Variants in IRAK3 observed in about 807,000 individuals in gnomAD.
IRAK3 encodes interleukin 1 receptor associated kinase 3, also known as interleukin-1 receptor-associated kinase 3.
A neutral mutation model predicts 56.6 loss-of-function variants in IRAK3; 57 were observed. That is an observed-to-expected ratio of 1.01 (90% CI 0.81 to 1.26). The LOEUF (loss-of-function observed/expected upper bound fraction) is 1.26. Among genes scored for constraint, IRAK3 ranks in the 50% most tolerant of loss-of-function variants. The pLI is 0.00. For missense variants in IRAK3, 703 were observed against 719.0 expected (o/e 0.98, Z 0.25); for synonymous variants, 258 against 255.7 (o/e 1.01, Z -0.09).
intron 2 of IRAK3, among the ~76,000 whole-genome samples, chr12:66,208,760 C>CA (rs1190652234): frequency 6.1e-4 from 78 of 128,808 alleles, no homozygotes; most frequent in Middle Eastern, 5.7e-3. Flanking sequence ...GACTCTGTCT[C>CA]AAAAAAAAAA....
rs2053059811 is a variant in IRAK3 at position 66,248,435 on chromosome 12, A to G, written c.*264A>G. On this transcript the variant is annotated 3_prime_UTR_variant, in exon 12 of 12. Transcript: ENST00000261233. ...GAGCCATTCAAAATTCCTTAAGATC[A>G]TGGGTTCTGACTTCAGCCAAACAAA... 8.6e-6 allele frequency: 3 copies of G among 349,554 alleles called. No individual in the cohort carries two copies. The highest frequency in any genetic ancestry group is 8.2e-5 in the Admixed American group (2 of 24,374). 21.7% of individuals were successfully genotyped at this position (349,554 alleles called of 1,614,324 possible). A position where few individuals can be genotyped will look rare whatever the true frequency, so the allele number is the denominator to read the frequency against.
chr12:66,213,659 G>A (rs550392822), intron 5 of IRAK3, among the ~76,000 whole-genome samples: 1 of 151,982 alleles, frequency 6.6e-6, no homozygotes, highest in East Asian at 1.9e-4. Context: ...TTTAACAAAT[G>A]TACCTCACTG....
At chr12:66,200,172 G>GT (rs2052493176) in intron 1 of IRAK3, among the ~76,000 whole-genome samples, 2 of 152,216 alleles carry the variant, frequency 1.3e-5, no homozygotes, top group Non-Finnish European at 2.9e-5. Flanking sequence ...TCTGGTACAA[G>GT]TTGTAACAGA....
chr12:66,223,828 C>T (rs969217973), intron 6 of IRAK3, among the ~76,000 whole-genome samples: 5 of 151,190 alleles, frequency 3.3e-5, no homozygotes, highest in Admixed American at 3.3e-4. Context: ...ATTCTTCTGC[C>T]TCAGCCTCCC....
At chr12:66,226,888 G>A (rs748727039) in intron 7 of IRAK3, 51 bp downstream of exon 7, 1 of 1,126,006 alleles carries the variant, frequency 8.9e-7, no homozygotes, top group South Asian at 1.2e-5. Flanking sequence ...TGAATCCCTG[G>A]GAGAGCTGCT....
rs142792546 is a variant in IRAK3, at chr12:66,204,775, T to TGCGCGCGC, written c.316+886_316+887insGCGCGCGC. On this transcript the variant is annotated intron_variant, in intron 2 of 11. Transcript: ENST00000261233. The stretch of plus-strand genomic sequence containing the variant: ...AATATATTTAGTGCGCATGAGCCCT[T>TGCGCGCGC]GCGCACACACACACACACACACACA... Among the ~76,000 whole-genome samples the TGCGCGCGC allele has an allele frequency of 9.8e-4, 86 of 87,842 alleles. 2 individuals are homozygous for TGCGCGCGC. Among genetic ancestry groups the TGCGCGCGC allele is most frequent in the African/African-American group, 3.8e-3 (83 of 21,798 alleles). The allele number at this position is 87,842 out of a possible 152,430, so 57.6% of individuals were successfully genotyped here. A position where few individuals can be genotyped will look rare whatever the true frequency, so the allele number is the denominator to read the frequency against.
At chr12:66,195,987 C>A (rs928626548) in intron 1 of IRAK3, among the ~76,000 whole-genome samples, 4 of 151,904 alleles carry the variant, frequency 2.6e-5, no homozygotes, top group East Asian at 3.9e-4. Flanking sequence ...GACACCCCCC[C>A]CCACCACTCT....
chr12:66,204,132 CTTACTT>C (rs1161463573), intron 2 of IRAK3, among the ~76,000 whole-genome samples: 1 of 151,906 alleles, frequency 6.6e-6, no homozygotes, highest in Non-Finnish European at 1.5e-5. Context: ...GTTTTTTTAA[CTTACTT>C]TTACTTACAA....
At chr12:66,209,212 G>C (rs1235563002) in intron 2 of IRAK3, among the ~76,000 whole-genome samples, 2 of 151,354 alleles carry the variant, frequency 1.3e-5, no homozygotes, top group African/African-American at 4.9e-5. Flanking sequence ...AATAGATTAA[G>C]GCAACTACTT....
At chr12:66,192,601 CAAGA>C (rs1025671049) in intron 1 of IRAK3, among the ~76,000 whole-genome samples, 3 of 151,938 alleles carry the variant, frequency 2.0e-5, no homozygotes, top group African/African-American at 7.3e-5. Flanking sequence ...TTCTTCCTCT[CAAGA>C]AAGAAAAGGG....
At chr12:66,195,664 G>T (rs952565685) in intron 1 of IRAK3, among the ~76,000 whole-genome samples, 4 of 151,910 alleles carry the variant, frequency 2.6e-5, no homozygotes, top group Non-Finnish European at 5.9e-5. Context: ...CTTTTGTTTT[G>T]TTTTGTTTTT....
rs1376874437 is a variant in IRAK3, at chr12:66,248,971, A to G, written c.*800A>G. 6.6e-6 allele frequency: 1 copy of G among 152,140 alleles called. No homozygotes were observed. The highest frequency in any genetic ancestry group is 1.9e-4 in the East Asian group (1 of 5,188). 9.4% of individuals were successfully genotyped at this position (152,140 alleles called of 1,614,324 possible). ...CTACACCTTTCAACTCTGGGCCTTC[A>G]TTCCTGCTGTTTCTTGGATCTCCCT... is the stretch of plus-strand genomic sequence containing the variant. On this transcript the variant is annotated 3_prime_UTR_variant, in exon 12 of 12. Transcript: ENST00000261233.
intron 5 of IRAK3, among the ~76,000 whole-genome samples, chr12:66,214,524 G>C (rs2052646521): frequency 9.3e-6 from 1 of 107,848 alleles, no homozygotes; most frequent in Non-Finnish European, 2.3e-5. Context: ...GTGGGCAACA[G>C]AGTAAGACCC....
chr12:66,201,926 A>T (rs147602540), intron 1 of IRAK3, among the ~76,000 whole-genome samples: 7 of 152,352 alleles, frequency 4.6e-5, no homozygotes, highest in African/African-American at 1.7e-4. Context: ...TAATCTAAGT[A>T]CTTTGGAACA....
At chr12:66,227,991 T>C (rs1274312227) in intron 7 of IRAK3, among the ~76,000 whole-genome samples, 1 of 152,216 alleles carries the variant, frequency 6.6e-6, no homozygotes, top group Non-Finnish European at 1.5e-5. Flanking sequence ...CAGTGTTACC[T>C]TACTAGCTAT....
chr12:66,226,190 A>T (rs950687319), intron 6 of IRAK3, among the ~76,000 whole-genome samples: 9 of 151,710 alleles, frequency 5.9e-5, no homozygotes, highest in African/African-American at 2.2e-4. Flanking sequence ...TTTTATTTAT[A>T]TTTACATGAT....
chr12:66,221,926 A>G lies in IRAK3; in HGVS notation c.653+4691A>G, dbSNP rs184754187. Among the ~76,000 whole-genome samples the G allele has an allele frequency of 4.1e-3, 629 of 152,288 alleles. 6 individuals are homozygous for G. Among genetic ancestry groups the G allele is most frequent in the Non-Finnish European group, 6.9e-3 (472 of 68,010 alleles). Reference sequence around the variant, plus strand: ...CGCTTGCAATCCCAGCTATTCAGGAAGCTGAGGCACAAGAATTGCTTGAAC... The same window carrying G: ...CGCTTGCAATCCCAGCTATTCAGGAGGCTGAGGCACAAGAATTGCTTGAAC... On this transcript the variant is annotated intron_variant, in intron 6 of 11. Transcript: ENST00000261233.
chr12:66,211,392 A>C, intron 4 of IRAK3, 54 bp from the exon 5 acceptor site: 1 of 1,361,248 alleles, frequency 7.3e-7, no homozygotes, highest in Non-Finnish European at 1.0e-6. Flanking sequence ...TTTTGGTTAT[A>C]ATGGTGATGT....
intron 1 of IRAK3, among the ~76,000 whole-genome samples, chr12:66,195,339 G>A (rs919743920): frequency 6.6e-6 from 1 of 152,180 alleles, no homozygotes; most frequent in African/African-American, 2.4e-5. Context: ...ACTGGGCTCA[G>A]ACTCCCTGCT....
Sources: gnomAD v4.1 joint callset for allele counts (sites outside exome capture counted in the v4.1 genomes callset) on GRCh38, gnomAD v4.1.1 for gene constraint, MANE v1.5 for transcripts, NCBI Gene and HGNC (gene_info 2026-07-23, HGNC 2026-07-21) for gene names.